SEZ6: variants seen among roughly 807,000 people sequenced by gnomAD.
The protein encoded by SEZ6 is seizure related 6 homolog.
Under a neutral mutation model 101.0 loss-of-function variants are expected in SEZ6, and 53 were observed. That is an observed-to-expected ratio of 0.52 (90% CI 0.42 to 0.66). The LOEUF (loss-of-function observed/expected upper bound fraction) is 0.66. SEZ6 is among the 30% of genes least tolerant of loss of function. SEZ6 has a pLI of 0.00. For missense variants in SEZ6, 1,102 were observed against 1,289.4 expected (o/e 0.85, Z 2.23); for synonymous variants, 488 against 512.2 (o/e 0.95, Z 0.64).
chr17:28,981,489 C>G lies in SEZ6; in HGVS notation c.606G>C (p.Gln202His), dbSNP rs1176306140. The stretch of plus-strand genomic sequence containing the variant: ...TCCCCTGGATCCCGATCCCTGCGCC[C>G]TGGGACACAACCTCTGCAACCCACG... ...GRPWVAEVVS[Q>H]GAGIGIQGTI... Residue 202 changes from glutamine to histidine, a missense_variant, in exon 2 of 17, where the codon CAG becomes CAC. Transcript: ENST00000317338. 2.5e-6 allele frequency: 4 copies of G among 1,600,798 alleles called. No homozygotes were observed. Among genetic ancestry groups the G allele is most frequent in the Non-Finnish European group, 3.4e-6 (4 of 1,173,522 alleles).
intron 1 of SEZ6, among the ~76,000 whole-genome samples, chr17:28,986,224 T>C (rs2041381118): frequency 6.6e-6 from 1 of 152,208 alleles, no homozygotes; most frequent in Non-Finnish European, 1.5e-5. Context: ...GCCTCCCCGG[T>C]GGATTCTCTC....
chr17:28,959,000 C>T (rs1425426022), intron 10 of SEZ6, 25 bp downstream of exon 10: 6 of 1,591,446 alleles, frequency 3.8e-6, no homozygotes, highest in Non-Finnish European at 5.1e-6. Flanking sequence ...TGTCTGCACT[C>T]TGAGTGGGGT....
chr17:28,959,135 C>T lies in SEZ6; in HGVS notation c.1997G>A (p.Arg666His), dbSNP rs114813876. Reference sequence around the variant, plus strand: ...GGAGGTAAAGAGCTTGAAGTGGCTACGGGGCCCTGAGTACTGGCCCAGAAC... The same window carrying T: ...GGAGGTAAAGAGCTTGAAGTGGCTATGGGGCCCTGAGTACTGGCCCAGAAC... The part of the protein sequence containing the change: ...ARVLGQYSGP[R>H]SHFKLFTSMA... The change falls in exon 10 of 17, where the codon CGT (arginine) becomes CAT (histidine). Residue 666 changes from arginine (R) to histidine (H), a missense_variant. Coordinates refer to ENST00000317338, the MANE Select transcript of SEZ6 (RefSeq NM_178860.5). The surrounding 1 kb of genome is among the most constrained non-coding windows in gnomAD (Gnocchi z 4.4). 1,306 of 1,613,832 alleles carry T rather than the reference C, an allele frequency of 8.1e-4. 6 individuals are homozygous for T. The African/African-American group carries it at 0.013, about 16-fold the overall frequency.
In SEZ6 at chr17:28,981,791, A is replaced by C; in HGVS notation, c.304T>G (p.Phe102Val). The change falls in exon 2 of 17, where the codon TTC becomes GTC. Residue 102 changes from phenylalanine (F) to valine (V), a missense_variant. Physicochemically the swap from Phe to Val is conservative, Grantham distance 50. Around this residue, in one of 3 missense-constraint regions of SEZ6, gnomAD observed 406 missense variants for 418.6 expected, o/e 0.97. Transcript: ENST00000317338. The part of the protein sequence containing the change: ...LPFQPDPPAP[F>V]TPSPLPRLAN... Reference sequence around the variant, plus strand: ...AGGCGGGGAAGGGGACTTGGGGTGAAGGGTGCAGGTGGGTCAGGCTGGAAG... The same window carrying C: ...AGGCGGGGAAGGGGACTTGGGGTGACGGGTGCAGGTGGGTCAGGCTGGAAG... 1 of 1,613,442 alleles carries C rather than the reference A, an allele frequency of 6.2e-7. No homozygotes were observed. Among genetic ancestry groups the C allele is most frequent in the Non-Finnish European group, 8.5e-7 (1 of 1,179,564 alleles).
Position 28,979,792 on chromosome 17 carries a change from G to A in SEZ6, c.746C>T (p.Ser249Leu), listed in dbSNP as rs544405579. The A allele has an allele frequency of 6.2e-7, 1 of 1,611,342 alleles. No individual in the cohort carries two copies. The highest frequency in any genetic ancestry group is 1.1e-5 in the South Asian group (1 of 90,518). The change falls in exon 3 of 17, where the codon TCA becomes TTA. Residue 249 changes from serine to leucine, a missense_variant. Transcript: ENST00000317338. ...GGAGTCCAGAGAGCCCTCTGGGCCT[G>A]AGAAATTCCAGCTACAAGGGCCTGG... ...QTPGPCSWNF[S>L]GPEGSLDSPT...
intron 4 of SEZ6, among the ~76,000 whole-genome samples, 183 bp downstream of exon 4, chr17:28,969,574 T>C (rs2041119966): frequency 1.3e-5 from 2 of 152,170 alleles, no homozygotes; most frequent in Admixed American, 1.3e-4. Flanking sequence ...GAGAAGATCC[T>C]GGAGGTTTCA....
chr17:28,996,323 T>G (rs8070016), intron 1 of SEZ6, among the ~76,000 whole-genome samples: 58,103 of 151,886 alleles, frequency 0.38, 12,240 homozygotes, highest in African/African-American at 0.56. Flanking sequence ...AATGAGCTTC[T>G]CCTGCCCCAG....
chr17:28,956,543 G>C, intron 14 of SEZ6, 76 bp from the exon 15 acceptor site: 1 of 1,494,610 alleles, frequency 6.7e-7, no homozygotes, highest in Non-Finnish European at 9.1e-7. Flanking sequence ...TCTGCCCAAG[G>C]GCATCTGACT....
Position 28,969,791 on chromosome 17 carries a change from C to T in SEZ6, c.1020G>A (p.Pro340=), listed in dbSNP as rs201361164. 7.1e-5 allele frequency: 107 copies of T among 1,508,532 alleles called. No homozygotes were observed. The highest frequency in any genetic ancestry group is 1.6e-4 in the Admixed American group (6 of 36,470). 93.4% of individuals were successfully genotyped at this position (1,508,532 alleles called of 1,614,324 possible). A position where few individuals can be genotyped will look rare whatever the true frequency, so the allele number is the denominator to read the frequency against. Residue 340 remains proline, a synonymous_variant, in exon 4 of 17, where the codon CCG becomes CCA. Transcript: ENST00000317338. ...AALRFQSLPP[P]AGPGTFHFHY... ...GGAAATGGAAGGTGCCAGGGCCAGC[C>T]GGTGGCGGGAGGCTCTGGAACCTCA...
chr17:28,958,781 GAAAA>G (rs11400583), intron 10 of SEZ6, among the ~76,000 whole-genome samples: 3 of 141,948 alleles, frequency 2.1e-5, no homozygotes, highest in South Asian at 2.2e-4. Flanking sequence ...AACTGTCTCA[GAAAA>G]AAAAAAAAAG....
rs565317485 is a variant in SEZ6, at chr17:28,981,513, C to T, written c.582G>A (p.Pro194=). ...CCTGGGACACAACCTCTGCAACCCA[C>T]GGCCTTCCCATGTCTCCAGGACCCT... ...TQEGPGDMGR[P]WVAEVVSQGA... Residue 194 remains proline, a synonymous_variant, in exon 2 of 17, where the codon CCG becomes CCA. Coordinates refer to ENST00000317338, the MANE Select transcript of SEZ6 (RefSeq NM_178860.5). 14 of 1,610,158 alleles carry T rather than the reference C, an allele frequency of 8.7e-6. No homozygotes were observed. The highest frequency in any genetic ancestry group is 5.3e-5 in the African/African-American group (4 of 74,958).
chr17:28,975,331 A>G (rs1332753642), intron 3 of SEZ6, among the ~76,000 whole-genome samples: 1 of 152,192 alleles, frequency 6.6e-6, no homozygotes, highest in Non-Finnish European at 1.5e-5. Flanking sequence ...TGCTGACCCC[A>G]GAGAAGGAGC....
At chr17:28,996,640 T>C (rs1176145621) in intron 1 of SEZ6, among the ~76,000 whole-genome samples, 1 of 152,054 alleles carries the variant, frequency 6.6e-6, no homozygotes, top group Admixed American at 6.5e-5. Flanking sequence ...AGTCCTAGGA[T>C]GCAGGGACAG....
chr17:29,003,527 G>T (rs2041643692), intron 1 of SEZ6, among the ~76,000 whole-genome samples: 1 of 152,270 alleles, frequency 6.6e-6, no homozygotes, highest in Admixed American at 6.5e-5. Flanking sequence ...GGGCTGAAAG[G>T]CTGAGGGATG....
chr17:28,984,872 C>A (rs866967006), intron 1 of SEZ6, among the ~76,000 whole-genome samples: 3 of 152,146 alleles, frequency 2.0e-5, no homozygotes, highest in Non-Finnish European at 4.4e-5. Flanking sequence ...GGTGCAGGGA[C>A]TGACGAAGGG....
chr17:28,966,530 G>T (rs1438779212), intron 4 of SEZ6, among the ~76,000 whole-genome samples: 2 of 152,154 alleles, frequency 1.3e-5, no homozygotes, highest in Non-Finnish European at 2.9e-5. Flanking sequence ...GAGAGCAAAG[G>T]CCTGGAGGGG....
At position 28,956,299 on chromosome 17, in the gene SEZ6, G is replaced by GTA. The variant is rs2040877609; in HGVS notation, c.2850-40_2850-39dup. ...GAAGCCTGCAAGTCAGGAGCACTGG[G>GTA]TAGGAGTGAGGTATGCAGGTATGCA... On this transcript the variant is annotated intron_variant, in intron 15 of 16. Coordinates refer to ENST00000317338, the MANE Select transcript of SEZ6 (RefSeq NM_178860.5). 3.2e-6 allele frequency: 5 copies of GTA among 1,587,234 alleles called. No homozygotes were observed. In the East Asian group the frequency reaches 9.1e-5, roughly 29 times the overall value.
Position 28,957,175 on chromosome 17 carries a change from CT to C in SEZ6, c.2561del (p.Gln854ArgfsTer19). On this transcript the variant is annotated frameshift_variant, in exon 13 of 17. Coordinates refer to ENST00000317338, the MANE Select transcript of SEZ6 (RefSeq NM_178860.5). LOFTEE classifies it high-confidence loss of function. ...PENGARSPEK[Q>X]LHPAGATIHF... ...GGATGGTGGCCCCTGCTGGGTGTAG[CT>C]GCTTCTCAGGACTTCGGGCACCATT... The C allele has an allele frequency of 6.2e-7, 1 of 1,614,032 alleles. No homozygotes were observed. The highest frequency in any genetic ancestry group is 8.5e-7 in the Non-Finnish European group (1 of 1,179,888).
chr17:28,979,316 C>T (rs534825114), intron 3 of SEZ6, among the ~76,000 whole-genome samples: 7 of 152,300 alleles, frequency 4.6e-5, no homozygotes, highest in Admixed American at 4.6e-4. Context: ...CCCAGAGGAA[C>T]TGCTCAGAGA....
Sources: gnomAD v4.1 joint callset for allele counts (sites outside exome capture counted in the v4.1 genomes callset) on GRCh38, gnomAD v4.1.1 for gene constraint, gnomAD v4.1.1 regional missense constraint, Gnocchi (gnomAD v3.1) non-coding constraint, MANE v1.5 for transcripts, NCBI Gene and HGNC (gene_info 2026-07-23, HGNC 2026-07-21) for gene names.